The following GRSF1 variants were observed in gnomAD, a reference collection of about 807,000 sequenced individuals.
GRSF1 encodes G-rich sequence factor 1.
In GRSF1, 50 loss-of-function variants were observed where a neutral mutation model predicts 51.1. The observed-to-expected ratio is 0.98, with a 90% confidence interval of 0.78 to 1.24. The LOEUF is 1.24. Ranked by LOEUF, GRSF1 falls within the 50% of genes most tolerant of loss-of-function variation. The pLI, the probability that GRSF1 is intolerant of heterozygous loss-of-function variation, is 0.00. For missense variants in GRSF1, 700 were observed against 639.7 expected, an observed-to-expected ratio of 1.09 and a Z score of -1.02; for synonymous variants, 293 against 253.3, an observed-to-expected ratio of 1.16 and a Z score of -1.49.
At chr4:70,831,709 G>T in intron 4 of GRSF1, 35 bp from the exon 5 acceptor site, 1 of 1,569,034 alleles carries the variant, frequency 6.4e-7, no homozygotes, top group Non-Finnish European at 8.6e-7. Context: ...CTACTAGCAG[G>T]CTTTTTTATC....
upstream of GRSF1, among the ~76,000 whole-genome samples, chr4:70,842,526 C>A (rs1261725335): frequency 1.3e-5 from 2 of 152,126 alleles, no homozygotes; most frequent in Non-Finnish European, 2.9e-5. Flanking sequence ...GCCTTGACCT[C>A]CCGGGTTCAA....
intron 5 of GRSF1, 132 bp from the exon 6 acceptor site, chr4:70,828,168 G>T: frequency 4.5e-6 from 3 of 664,546 alleles, no homozygotes; most frequent in Non-Finnish European, 7.7e-6. Flanking sequence ...TAACAGGTAG[G>T]GAAAACTAAT....
chr4:70,839,960 C>T, upstream of GRSF1: 1 of 738,184 alleles, frequency 1.4e-6, no homozygotes, highest in Non-Finnish European at 2.0e-6. Context: ...GGGGGGCCTC[C>T]GAGAGTCGGA....
intron 8 of GRSF1, among the ~76,000 whole-genome samples, chr4:70,825,073 G>A (rs866624654): frequency 6.6e-6 from 1 of 152,160 alleles, no homozygotes; most frequent in Middle Eastern, 3.4e-3. Context: ...CTGCACTCCA[G>A]CGTGGGTGAC....
chr4:70,831,643 C>A lies in GRSF1; in HGVS notation c.846G>T (p.Met282Ile). ...GLNIVDITFV[M>I]DYRGRRKTGE... ...CTGTTTTTCGCCTCCCTCTATAGTC[C>A]ATCACAAAAGTAATGTCAACTATAT... is the stretch of plus-strand genomic sequence containing the variant. The change falls in exon 5 of 10, where the codon ATG becomes ATT. Residue 282 changes from methionine to isoleucine, a missense_variant. Coordinates refer to ENST00000254799, the MANE Select transcript of GRSF1 (RefSeq NM_002092.4). 6.2e-7 allele frequency: 1 copy of A among 1,613,330 alleles called. No homozygotes were observed. Among genetic ancestry groups the A allele is most frequent in the South Asian group, 1.1e-5 (1 of 91,046 alleles).
chr4:70,842,245 G>A (rs551048758), upstream of GRSF1, among the ~76,000 whole-genome samples: 2 of 152,320 alleles, frequency 1.3e-5, no homozygotes, highest in South Asian at 4.1e-4. Flanking sequence ...AGGGGTTGAG[G>A]CCCCTCTGGA....
At chr4:70,838,268 G>A (rs1217497697) in intron 1 of GRSF1, among the ~76,000 whole-genome samples, 1 of 142,420 alleles carries the variant, frequency 7.0e-6, no homozygotes, top group Non-Finnish European at 1.5e-5. Context: ...AGGAATAAAT[G>A]TAAGCAGTGT....
At chr4:70,822,583 CAAAAAAA>C (rs749025985) in intron 9 of GRSF1, among the ~76,000 whole-genome samples, 7 of 20,516 alleles carry the variant, frequency 3.4e-4, no homozygotes, top group African/African-American at 5.7e-4. Context: ...GATTTCATAT[CAAAAAAA>C]AAAAAAAAAA....
rs149160374 is a variant in GRSF1, at chr4:70,824,297, A to C, written c.*22T>G. 142 of 1,296,542 alleles carry C rather than the reference A, an allele frequency of 1.1e-4. No homozygotes were observed. Among genetic ancestry groups the C allele is most frequent in the Middle Eastern group, 7.3e-4 (4 of 5,472 alleles). The allele number at this position is 1,296,542 out of a possible 1,614,324, so 80.3% of individuals were successfully genotyped here. On this transcript the variant is annotated 3_prime_UTR_variant, in exon 9 of 10. Coordinates refer to ENST00000254799, the MANE Select transcript of GRSF1 (RefSeq NM_002092.4). The stretch of plus-strand genomic sequence containing the variant: ...CAGTATTACCTCTTAAATTTACCTT[A>C]TTATCTGGAGCCCCTAGAGTCTTAT...
chr4:70,836,295 A>G lies in GRSF1; in HGVS notation c.377T>C (p.Leu126Pro). The stretch of plus-strand genomic sequence containing the variant: ...CTCAGGGGGTGGTGGAAGGTCTTCC[A>G]GGTAAGTAGTTTTGGACTCCTTCCA... Reference protein sequence around the residue: ...SYSQESKTTYLEDLPPPPEYE... With the variant: ...SYSQESKTTYPEDLPPPPEYE... The change falls in exon 2 of 10, where the codon CTG (leucine) becomes CCG (proline). Residue 126 changes from leucine to proline, a missense_variant. Coordinates refer to ENST00000254799, the MANE Select transcript of GRSF1 (RefSeq NM_002092.4). 6.3e-7 allele frequency: 1 copy of G among 1,585,614 alleles called. No individual in the cohort carries two copies.
Position 70,819,685 on chromosome 4 carries a change from C to T in GRSF1, c.*1202G>A, listed in dbSNP as rs970542051. ...ACCTGGGCAAATTTAATTTTAAGAA[C>T]TAGAACTGCATCTCCTGGTGGCAGT... On this transcript the variant is annotated 3_prime_UTR_variant, in exon 10 of 10. Coordinates refer to ENST00000254799, the MANE Select transcript of GRSF1 (RefSeq NM_002092.4). 6.6e-6 allele frequency: 1 copy of T among 152,602 alleles called. No individual in the cohort carries two copies. The highest frequency in any genetic ancestry group is 2.4e-5 in the African/African-American group (1 of 41,442). The allele number at this position is 152,602 out of a possible 1,614,324, so 9.5% of individuals were successfully genotyped here.
upstream of GRSF1, among the ~76,000 whole-genome samples, chr4:70,842,082 C>G (rs1734471322): frequency 6.6e-6 from 1 of 152,214 alleles, no homozygotes; most frequent in Admixed American, 6.5e-5. Flanking sequence ...CCCACATCCT[C>G]TGGCTAGAGG....
Position 70,832,287 on chromosome 4 carries a change from A to G in GRSF1, c.814+20T>C. 6.2e-7 allele frequency: 1 copy of G among 1,608,672 alleles called. No individual in the cohort carries two copies. Among genetic ancestry groups the G allele is most frequent in the Non-Finnish European group, 8.5e-7 (1 of 1,176,166 alleles). On this transcript the variant is annotated intron_variant, in intron 4 of 9. Transcript: ENST00000254799. ...GGAAAAAAGATATGAGCTCCCAAGC[A>G]TAATACAACTGCAAAGTACCTGCAA...
upstream of GRSF1, among the ~76,000 whole-genome samples, chr4:70,842,216 A>G (rs1288924043): frequency 2.0e-5 from 3 of 152,298 alleles, no homozygotes; most frequent in South Asian, 2.1e-4. Flanking sequence ...ATACCTGGAA[A>G]GGGGCCAGTT....
chr4:70,842,743 C>T (rs1734482510), upstream of GRSF1, among the ~76,000 whole-genome samples: 1 of 152,176 alleles, frequency 6.6e-6, no homozygotes, highest in East Asian at 1.9e-4. Flanking sequence ...TTAATAGCAG[C>T]AGTCATCATC....
upstream of GRSF1, among the ~76,000 whole-genome samples, chr4:70,842,586 A>G (rs1403626377): frequency 6.6e-6 from 1 of 151,952 alleles, no homozygotes; most frequent in East Asian, 1.9e-4. Flanking sequence ...ACAAGCATGA[A>G]CCACCACACC....
chr4:70,826,623 T>C (rs1019263664), intron 6 of GRSF1, among the ~76,000 whole-genome samples: 1 of 151,488 alleles, frequency 6.6e-6, no homozygotes, highest in African/African-American at 2.4e-5. Flanking sequence ...GAGAATCACT[T>C]GAGCCCAGGA....
rs904423143 is a variant in GRSF1 at position 70,820,017 on chromosome 4, A to AT, written c.*869dup. On this transcript the variant is annotated 3_prime_UTR_variant, in exon 10 of 10. Coordinates refer to ENST00000254799, the MANE Select transcript of GRSF1 (RefSeq NM_002092.4). ...ATTTAAAAAGCAAATGAGGAGACTG[A>AT]TTTTTTTCCTATCTAGAGCTGGTTT... 2 of 152,456 alleles carry AT rather than the reference A, an allele frequency of 1.3e-5. No homozygotes were observed. The highest frequency in any genetic ancestry group is 2.4e-5 in the African/African-American group (1 of 41,434). 9.4% of individuals were successfully genotyped at this position (152,456 alleles called of 1,614,324 possible).
At chr4:70,839,222 A>G in intron 1 of GRSF1, 1 of 1,445,364 alleles carries the variant, frequency 6.9e-7, no homozygotes, top group South Asian at 1.2e-5. Flanking sequence ...CCCCAGCCAC[A>G]CTTACACTGC....
Sources: gnomAD v4.1 joint callset for allele counts (sites outside exome capture counted in the v4.1 genomes callset) on GRCh38, gnomAD v4.1.1 for gene constraint, MANE v1.5 for transcripts, NCBI Gene and HGNC (gene_info 2026-07-23, HGNC 2026-07-21) for gene names.